Variants in HEXB observed in about 807,000 individuals in gnomAD.
HEXB encodes the protein beta-hexosaminidase subunit beta.
Under a neutral mutation model 71.2 loss-of-function variants are expected in HEXB, and 51 were observed. The ratio of observed to expected loss-of-function variants is 0.72; its 90% CI spans 0.57 to 0.90. HEXB has a LOEUF of 0.90. Ranked by LOEUF, HEXB falls within the 40% of genes least tolerant of loss-of-function variation. HEXB has a pLI of 0.00. For synonymous variants in HEXB, 266 were observed against 249.3 expected (o/e 1.07, Z -0.63); for missense variants, 617 against 677.0 (o/e 0.91, Z 0.98).
In HEXB at chr5:74,643,394, C is replaced by T. The variant is rs114956564; in HGVS notation, c.-377+2836C>T. The stretch of plus-strand genomic sequence containing the variant: ...AAACAGGGCTGTCATCAAAACTGGA[C>T]GACCATAGACATAGCAGATATCTGA... On this transcript the variant is annotated intron_variant, in intron 1 of 13. Coordinates refer to the HEXB transcript ENST00000511181. Among the ~76,000 whole-genome samples the T allele has an allele frequency of 4.8e-3, 734 of 152,242 alleles. 8 individuals carry two copies. Among genetic ancestry groups the T allele is most frequent in the African/African-American group, 0.017 (694 of 41,524 alleles).
At position 74,716,016 on chromosome 5, in the gene HEXB, CAAAAAAA is replaced by C. The variant is rs71600435; in HGVS notation, c.1082+345_1082+351del. On this transcript the variant is annotated intron_variant, in intron 8 of 13. Coordinates refer to ENST00000261416, the MANE Select transcript of HEXB (RefSeq NM_000521.4). ...TGAGTGACAGAGTGAGACTCCATCTCAAAAAAAAAAAAAAAAAAAAAAAAATGGAATA... is the reference window on the plus strand; with the variant it reads ...TGAGTGACAGAGTGAGACTCCATCTCAAAAAAAAAAAAAAAAAATGGAATA... Among the ~76,000 whole-genome samples, 247 of 64,862 alleles carry C rather than the reference CAAAAAAA, an allele frequency of 3.8e-3. 1 individual carries two copies. Among genetic ancestry groups the C allele is most frequent in the South Asian group, 0.025 (38 of 1,532 alleles). The allele number at this position is 64,862 out of a possible 152,430, so 42.6% of individuals were successfully genotyped here.
intron 6 of HEXB, among the ~76,000 whole-genome samples, chr5:74,708,857 C>G (rs1580391851): frequency 6.6e-6 from 1 of 151,920 alleles, no homozygotes; most frequent in African/African-American, 2.4e-5. Flanking sequence ...ACTTTAACAC[C>G]CTACTGTCAA....
At chr5:74,720,549 T>G in intron 12 of HEXB, 31 bp downstream of exon 12, 1 of 1,592,854 alleles carries the variant, frequency 6.3e-7, no homozygotes, top group South Asian at 1.1e-5. Context: ...CATTTAAGAA[T>G]TAAGGTGCCT....
rs41271749 is a variant in HEXB, at chr5:74,718,580, G to A, written c.1242+217G>A. ...GAACCTATGTGGTATCCATATATAA[G>A]CAAAAGTTAAATATTCAAACCTAAG... On this transcript the variant is annotated intron_variant, in intron 10 of 13. Transcript: ENST00000261416. 0.018 allele frequency among the ~76,000 whole-genome samples: 2,769 copies of A among 152,170 alleles called. 33 individuals carry two copies. The highest frequency in any genetic ancestry group is 0.028 in the Non-Finnish European group (1,923 of 67,994).
intron 1 of HEXB, among the ~76,000 whole-genome samples, chr5:74,687,812 A>G (rs900170713): frequency 1.3e-5 from 2 of 152,186 alleles, no homozygotes; most frequent in African/African-American, 4.8e-5. Flanking sequence ...AGGGCCCTCA[A>G]CACCTACATC....
intron 2 of HEXB, among the ~76,000 whole-genome samples, chr5:74,690,166 G>A (rs966973348): frequency 1.1e-4 from 16 of 152,080 alleles, no homozygotes; most frequent in African/African-American, 3.6e-4. Flanking sequence ...TTTTGTCCTC[G>A]TTGTTGCCTA....
intron 1 of HEXB, among the ~76,000 whole-genome samples, chr5:74,651,722 A>C (rs1044290455): frequency 2.0e-5 from 3 of 152,222 alleles, no homozygotes; most frequent in Admixed American, 2.0e-4. Flanking sequence ...TTCTATGGAT[A>C]AACTAACCAG....
At position 74,641,625 on chromosome 5, in the gene HEXB, A is replaced by G. The variant is rs74385076; in HGVS notation, c.-377+1067A>G. On this transcript the variant is annotated intron_variant, in intron 1 of 13. Transcript: ENST00000511181. The surrounding 1 kb of genome is among the most constrained non-coding windows in gnomAD (Gnocchi z 4.1). ...GCTCGGTGGTGTTAGTTTGGAGTTC[A>G]GTAAAGAAATGGCCCAGCACACACA... Among the ~76,000 whole-genome samples, 4,009 of 152,314 alleles carry G rather than the reference A, an allele frequency of 0.026. 191 individuals carry two copies. The highest frequency in any genetic ancestry group is 0.093 in the African/African-American group (3,844 of 41,554).
At chr5:74,721,080 A>G (rs746579281) in intron 13 of HEXB, 38 bp from the exon 14 acceptor site, 7 of 1,475,272 alleles carry the variant, frequency 4.7e-6, no homozygotes, top group Non-Finnish European at 6.6e-6. Flanking sequence ...ATATCAATCT[A>G]AATCAATCTA....
chr5:74,659,554 G>A (rs1201295390), intron 1 of HEXB, among the ~76,000 whole-genome samples: 1 of 152,134 alleles, frequency 6.6e-6, no homozygotes, highest in Non-Finnish European at 1.5e-5. Context: ...AAAATAGAAG[G>A]TGTAAAGAAG....
At chr5:74,651,939 A>G (rs938552697) in intron 1 of HEXB, among the ~76,000 whole-genome samples, 1 of 152,224 alleles carries the variant, frequency 6.6e-6, no homozygotes, top group African/African-American at 2.4e-5. Flanking sequence ...CGAACATGCC[A>G]GCACAAATCC....
At chr5:74,653,290 T>C (rs1379150514) in intron 1 of HEXB, among the ~76,000 whole-genome samples, 1 of 152,230 alleles carries the variant, frequency 6.6e-6, no homozygotes, top group Admixed American at 6.5e-5. Flanking sequence ...AAAAAGTAGC[T>C]GTCCCTCAAT....
chr5:74,697,453 C>T (rs765778363), intron 5 of HEXB, among the ~76,000 whole-genome samples: 18 of 152,164 alleles, frequency 1.2e-4, no homozygotes, highest in African/African-American at 3.1e-4. Context: ...CACCCAGGTG[C>T]GGTGGCTTAC....
chr5:74,659,455 C>T (rs16872154), intron 1 of HEXB, among the ~76,000 whole-genome samples: 39,308 of 152,022 alleles, frequency 0.26, 5,465 homozygotes, highest in Admixed American at 0.36. Flanking sequence ...AAAATGATAG[C>T]GGGGAAGCCA....
At chr5:74,717,290 A>C (rs1460265367) in intron 9 of HEXB, among the ~76,000 whole-genome samples, 3 of 152,108 alleles carry the variant, frequency 2.0e-5, no homozygotes, top group Non-Finnish European at 2.9e-5. Context: ...CATTTTGTCA[A>C]TTCCAGGAAC....
intron 7 of HEXB, among the ~76,000 whole-genome samples, chr5:74,714,552 A>T (rs2112173562): frequency 6.6e-6 from 1 of 152,324 alleles, no homozygotes; most frequent in Admixed American, 6.5e-5. Context: ...AGTAGGAGGC[A>T]TTATAGGGTG....
intron 3 of HEXB, among the ~76,000 whole-genome samples, chr5:74,695,357 C>A (rs1749089922): frequency 6.6e-6 from 1 of 150,600 alleles, no homozygotes; most frequent in Non-Finnish European, 1.5e-5. Context: ...GCGCCTGCCA[C>A]CACGCCTGGC....
At chr5:74,688,451 C>T (rs1470775419) in intron 1 of HEXB, among the ~76,000 whole-genome samples, 1 of 152,016 alleles carries the variant, frequency 6.6e-6, no homozygotes. Flanking sequence ...TCTCCTGCCT[C>T]AGCCTCCTGA....
intron 1 of HEXB, among the ~76,000 whole-genome samples, chr5:74,660,392 A>G (rs935986466): frequency 2.6e-5 from 4 of 152,186 alleles, no homozygotes; most frequent in Non-Finnish European, 5.9e-5. Flanking sequence ...GGTATCTGGG[A>G]AAATTTTTGC....
Sources: gnomAD v4.1 joint callset for allele counts (sites outside exome capture counted in the v4.1 genomes callset) on GRCh38, gnomAD v4.1.1 for gene constraint, Gnocchi (gnomAD v3.1) non-coding constraint, MANE v1.5 for transcripts, NCBI Gene and HGNC (gene_info 2026-07-23, HGNC 2026-07-21) for gene names.